MAP4K4: variants seen among roughly 807,000 people sequenced by gnomAD.
MAP4K4 encodes mitogen-activated protein kinase kinase kinase kinase 4.
In MAP4K4, 38 loss-of-function variants were observed where a neutral mutation model predicts 189.6. The observed-to-expected ratio is 0.20, with a 90% CI of 0.15 to 0.26. The LOEUF (loss-of-function observed/expected upper bound fraction) is 0.26, where lower values mean the gene tolerates loss of function less well. Among genes scored for constraint, MAP4K4 ranks in the 10% least tolerant of loss-of-function variants. The probability of loss-of-function intolerance (pLI) is 1.00; values close to 1 mark genes in which losing one functional copy is unlikely to be tolerated. For synonymous variants in MAP4K4, 610 were observed against 624.3 expected (o/e 0.98, Z 0.34); for missense variants, 1,054 against 1,726.9 (o/e 0.61, Z 6.91).
intron 3 of MAP4K4, among the ~76,000 whole-genome samples, chr2:101,797,889 G>GTTGTTTTT (rs2093917957): frequency 1.9e-5 from 1 of 52,304 alleles, no homozygotes; most frequent in Non-Finnish European, 3.3e-5. Flanking sequence ...CATTCTTTTA[G>GTTGTTTTT]TTTTTTTTTT....
intron 2 of MAP4K4, among the ~76,000 whole-genome samples, chr2:101,742,334 A>G (rs1192815055): frequency 6.6e-6 from 1 of 152,164 alleles, no homozygotes; most frequent in African/African-American, 2.4e-5. Flanking sequence ...TTGGTAACCT[A>G]CGGTGTGTCT....
intron 2 of MAP4K4, among the ~76,000 whole-genome samples, chr2:101,771,998 T>A (rs1344725802): frequency 6.6e-6 from 1 of 152,218 alleles, no homozygotes; most frequent in Non-Finnish European, 1.5e-5. Flanking sequence ...TCTGTGGGCC[T>A]CTGAAGTCTC....
chr2:101,705,462 A>C (rs1167343080), intron 2 of MAP4K4, among the ~76,000 whole-genome samples: 4 of 152,206 alleles, frequency 2.6e-5, no homozygotes, highest in Non-Finnish European at 5.9e-5. Context: ...CAATGTGTTC[A>C]TTTTAAGTGG....
chr2:101,878,752 T>G (rs1025741108), intron 27 of MAP4K4, among the ~76,000 whole-genome samples: 7 of 152,232 alleles, frequency 4.6e-5, no homozygotes, highest in Non-Finnish European at 8.8e-5. Flanking sequence ...CAGTCACTTA[T>G]GATATTATAA....
intron 2 of MAP4K4, among the ~76,000 whole-genome samples, chr2:101,762,079 T>C (rs192523574): frequency 6.6e-6 from 1 of 152,300 alleles, no homozygotes; most frequent in Non-Finnish European, 1.5e-5. Flanking sequence ...CGGGAGTCTA[T>C]TCCAAGTAGG....
intron 7 of MAP4K4, 147 bp from the exon 8 acceptor site, chr2:101,834,262 G>T: frequency 2.6e-6 from 1 of 386,516 alleles, no homozygotes; most frequent in Non-Finnish European, 5.3e-6. Context: ...CCTCCGCTCC[G>T]TAAGTTCTAC....
Position 101,709,070 on chromosome 2 carries a change from T to A in MAP4K4, c.123+10532T>A, listed in dbSNP as rs534334743. ...GAATTTATCTGTTTGGGTCTTCTTGTTTCCCTTTAGTGTAACCAAACACTT... is the reference window on the plus strand; with the variant it reads ...GAATTTATCTGTTTGGGTCTTCTTGATTCCCTTTAGTGTAACCAAACACTT... On this transcript the variant is annotated intron_variant, in intron 2 of 32. Transcript: ENST00000324219. Among the ~76,000 whole-genome samples the A allele has an allele frequency of 1.4e-3, 217 of 152,318 alleles. 1 individual carries two copies. Among genetic ancestry groups the A allele is most frequent in the African/African-American group, 5.0e-3 (209 of 41,564 alleles).
Position 101,756,599 on chromosome 2 carries a change from T to TG in MAP4K4, c.124-34120dup, listed in dbSNP as rs2072935623. ...TGAGACAGCTTCACTTTGTTGCTTATGCTGGAGTGCTGTGGCTTGATCACA... is the reference window on the plus strand; with the variant it reads ...TGAGACAGCTTCACTTTGTTGCTTATGGCTGGAGTGCTGTGGCTTGATCACA... On this transcript the variant is annotated intron_variant, in intron 2 of 32. Transcript: ENST00000324219. 2.6e-5 allele frequency among the ~76,000 whole-genome samples: 4 copies of TG among 152,242 alleles called. No homozygotes were observed. In the South Asian group the frequency reaches 8.3e-4, roughly 32 times the overall value.
At chr2:101,703,027 T>C (rs1260514572) in intron 2 of MAP4K4, among the ~76,000 whole-genome samples, 1 of 152,064 alleles carries the variant, frequency 6.6e-6, no homozygotes, top group African/African-American at 2.4e-5. Flanking sequence ...GAGGTATTAT[T>C]TGGACTTGAG....
intron 12 of MAP4K4, among the ~76,000 whole-genome samples, chr2:101,848,766 T>C (rs1227090032): frequency 2.0e-5 from 3 of 152,292 alleles, no homozygotes; most frequent in East Asian, 1.9e-4. Context: ...CTGCTGCTGC[T>C]GGTATCGCCC....
chr2:101,738,595 G>A (rs1574601544), intron 2 of MAP4K4, among the ~76,000 whole-genome samples: 1 of 151,924 alleles, frequency 6.6e-6, no homozygotes, highest in East Asian at 1.9e-4. Context: ...GTTTTTTTTG[G>A]CCCAGTGATT....
exon 30 of MAP4K4, chr2:101,887,200 A>C (rs560875389): frequency 6.2e-7 from 1 of 1,613,332 alleles, no homozygotes; most frequent in South Asian, 1.1e-5. Flanking sequence ...GTTGATGTGG[A>C]TTCAGGATCA....
intron 2 of MAP4K4, among the ~76,000 whole-genome samples, chr2:101,716,929 T>G (rs555918175): frequency 6.6e-6 from 1 of 152,300 alleles, no homozygotes; most frequent in Non-Finnish European, 1.5e-5. Context: ...TATAAAACAT[T>G]CAACTTTTGG....
rs184648388 is a variant in MAP4K4, at chr2:101,832,508, T to C, written c.639+657T>C. Among the ~76,000 whole-genome samples, 430 of 152,338 alleles carry C rather than the reference T, an allele frequency of 2.8e-3. 2 individuals carry two copies. The highest frequency in any genetic ancestry group is 1.0e-2 in the African/African-American group (414 of 41,570). On this transcript the variant is annotated intron_variant, in intron 7 of 32. Transcript: ENST00000324219. ...TGTATTTTAGTATTTATTACAAATA[T>C]CCAATTAATGAGACTTAATTTAAGA...
intron 28 of MAP4K4, among the ~76,000 whole-genome samples, chr2:101,882,944 C>G (rs1303621506): frequency 1.3e-5 from 2 of 152,212 alleles, no homozygotes; most frequent in Non-Finnish European, 2.9e-5. Context: ...TCAGTCTCCC[C>G]CACGCTGTGC....
At chr2:101,828,980 C>T (rs2096489458) in intron 5 of MAP4K4, among the ~76,000 whole-genome samples, 1 of 152,198 alleles carries the variant, frequency 6.6e-6, no homozygotes, top group Non-Finnish European at 1.5e-5. Context: ...GCTCTTTTGA[C>T]AGCACAATCG....
chr2:101,807,733 A>G (rs545873118), intron 3 of MAP4K4, among the ~76,000 whole-genome samples: 5 of 151,712 alleles, frequency 3.3e-5, no homozygotes, highest in African/African-American at 9.6e-5. Flanking sequence ...AGCATCTTAC[A>G]TGGTAGAAGC....
chr2:101,845,198 A>AC (rs981656912), intron 12 of MAP4K4, among the ~76,000 whole-genome samples: 3 of 151,978 alleles, frequency 2.0e-5, no homozygotes, highest in Admixed American at 6.6e-5. Flanking sequence ...TAAAAAAAAA[A>AC]ACCGAACACA....
rs961963472 is a variant in MAP4K4, at chr2:101,883,395, G to A, written c.3520+710G>A. Among the ~76,000 whole-genome samples the A allele has an allele frequency of 2.0e-5, 3 of 152,014 alleles. No homozygotes were observed. The East Asian group carries it at 5.8e-4, about 29-fold the overall frequency. On this transcript the variant is annotated intron_variant, in intron 28 of 32. Transcript: ENST00000324219. Reference sequence around the variant, plus strand: ...TACCCAGGCTGGAGCGCAATGGTGCGATCTCAGCTCACTGCAACCTCCACC... The same window carrying A: ...TACCCAGGCTGGAGCGCAATGGTGCAATCTCAGCTCACTGCAACCTCCACC...
Sources: allele counts gnomAD v4.1 joint callset (sites outside exome capture counted in the v4.1 genomes callset), GRCh38; gene constraint gnomAD v4.1.1; transcripts MANE v1.5; gene names NCBI Gene and HGNC (gene_info 2026-07-23, HGNC 2026-07-21).